The following CLMP variants were observed in gnomAD, a reference collection of about 807,000 sequenced individuals.
CLMP encodes CXADR-like membrane protein.
In CLMP, 27 loss-of-function variants were observed where a neutral mutation model predicts 45.2. The ratio of observed to expected loss-of-function variants is 0.60; its 90% confidence interval spans 0.44 to 0.82. The LOEUF (loss-of-function observed/expected upper bound fraction) is 0.82, where lower values mean the gene tolerates loss of function less well. Among genes scored for constraint, CLMP ranks in the 40% least tolerant of loss-of-function variants. The pLI, the probability that CLMP is intolerant of heterozygous loss-of-function variation, is 0.00. For synonymous variants in CLMP, 167 were observed against 171.4 expected (o/e 0.97, Z 0.20); for missense variants, 403 against 448.4 (o/e 0.90, Z 0.91).
At chr11:123,149,200 A>G (rs1025134236) in intron 1 of CLMP, among the ~76,000 whole-genome samples, 11 of 152,182 alleles carry the variant, frequency 7.2e-5, no homozygotes, top group South Asian at 2.1e-4. Flanking sequence ...GAAAGTGTTT[A>G]CAGAATCTAG....
chr11:123,149,768 T>TTTCC (rs1469150303), intron 1 of CLMP, among the ~76,000 whole-genome samples: 4 of 132,838 alleles, frequency 3.0e-5, no homozygotes, highest in South Asian at 2.7e-4. Flanking sequence ...CTCAAAAGGT[T>TTTCC]TTCTTTCTTT....
Position 123,154,449 on chromosome 11 carries a change from C to T in CLMP, c.28+40464G>A, listed in dbSNP as rs892005800. 2.0e-5 allele frequency among the ~76,000 whole-genome samples: 3 copies of T among 152,258 alleles called. 1 individual carries two copies. Among genetic ancestry groups the T allele is most frequent in the Middle Eastern group, 6.8e-3 (2 of 294 alleles). On this transcript the variant is annotated intron_variant, in intron 1 of 6. Coordinates refer to ENST00000448775, the MANE Select transcript of CLMP (RefSeq NM_024769.5). Reference sequence around the variant, plus strand: ...GAGCCACATTTAGGGGTGCAGAGGGCTTGCCCACTTGTGTTAGTCATGCAA... The same window carrying T: ...GAGCCACATTTAGGGGTGCAGAGGGTTTGCCCACTTGTGTTAGTCATGCAA...
At chr11:123,075,244 G>A (rs115047749) in intron 5 of CLMP, among the ~76,000 whole-genome samples, 8 of 152,240 alleles carry the variant, frequency 5.3e-5, no homozygotes, top group African/African-American at 1.9e-4. Flanking sequence ...GGGAGCCACC[G>A]CGCCGACCTC....
chr11:123,076,022 A>C (rs1332016109), intron 5 of CLMP, among the ~76,000 whole-genome samples: 1 of 152,086 alleles, frequency 6.6e-6, no homozygotes, highest in African/African-American at 2.4e-5. Flanking sequence ...AAAATACAAA[A>C]GTTATCTGGG....
At chr11:123,139,467 T>A (rs920474896) in intron 1 of CLMP, among the ~76,000 whole-genome samples, 2 of 152,152 alleles carry the variant, frequency 1.3e-5, no homozygotes, top group African/African-American at 4.8e-5. Context: ...AGTTTCCACA[T>A]CTGCAATACA....
chr11:123,114,520 G>A (rs1860694169), intron 1 of CLMP, among the ~76,000 whole-genome samples: 1 of 144,284 alleles, frequency 6.9e-6, no homozygotes. Context: ...GCCCAGGCTG[G>A]TCTTGAACTC....
chr11:123,158,579 C>A (rs1229801240), intron 1 of CLMP, among the ~76,000 whole-genome samples: 4 of 152,184 alleles, frequency 2.6e-5, no homozygotes, highest in African/African-American at 9.7e-5. Flanking sequence ...CCACACTTGT[C>A]ATGCTGTTGG....
intron 5 of CLMP, among the ~76,000 whole-genome samples, chr11:123,077,291 T>TGC (rs1367224366): frequency 1.3e-5 from 2 of 152,022 alleles, no homozygotes; most frequent in African/African-American, 4.8e-5. Flanking sequence ...CGTGAGCCAC[T>TGC]GCACCCAGCC....
intron 1 of CLMP, among the ~76,000 whole-genome samples, chr11:123,187,868 C>G (rs1181599546): frequency 6.6e-6 from 1 of 152,166 alleles, no homozygotes. Context: ...ATTTCTGACG[C>G]TGATGGGTGA....
At chr11:123,089,815 C>T (rs922367025) in intron 2 of CLMP, among the ~76,000 whole-genome samples, 3 of 144,656 alleles carry the variant, frequency 2.1e-5, no homozygotes, top group African/African-American at 7.7e-5. Context: ...AGAAACAAAA[C>T]AAGGCTGGGC....
chr11:123,155,575 T>C (rs1861402158), intron 1 of CLMP, among the ~76,000 whole-genome samples: 1 of 152,204 alleles, frequency 6.6e-6, no homozygotes, highest in African/African-American at 2.4e-5. Context: ...TTACAAGAGG[T>C]CGAGCTAGAA....
At chr11:123,168,136 A>C (rs1470446902) in intron 1 of CLMP, among the ~76,000 whole-genome samples, 4 of 152,194 alleles carry the variant, frequency 2.6e-5, no homozygotes, top group African/African-American at 7.2e-5. Context: ...GGGGTTAAAC[A>C]TCTGCCACCA....
chr11:123,189,732 G>A (rs117916958), intron 1 of CLMP, among the ~76,000 whole-genome samples: 225 of 152,262 alleles, frequency 1.5e-3, no homozygotes, highest in Admixed American at 2.7e-3. Context: ...AAATGGCCAG[G>A]CACGGTGGCT....
chr11:123,131,754 T>G (rs1860992422), intron 1 of CLMP, among the ~76,000 whole-genome samples: 1 of 152,100 alleles, frequency 6.6e-6, no homozygotes, highest in Admixed American at 6.6e-5. Flanking sequence ...TAGCTGGGAT[T>G]ACAGGTATGC....
At chr11:123,136,099 T>C in intron 1 of CLMP, 1 of 614,672 alleles carries the variant, frequency 1.6e-6, no homozygotes, top group Non-Finnish European at 3.2e-6. Context: ...TTCCAGTTAA[T>C]CTGCACGTAG....
chr11:123,135,790 A>C, intron 1 of CLMP: 1 of 326,360 alleles, frequency 3.1e-6, no homozygotes, highest in Non-Finnish European at 6.2e-6. Flanking sequence ...TAAGCTGTGA[A>C]TTCAGTATTT....
intron 1 of CLMP, among the ~76,000 whole-genome samples, chr11:123,131,204 C>T (rs1860983115): frequency 6.6e-6 from 1 of 152,028 alleles, no homozygotes; most frequent in African/African-American, 2.4e-5. Flanking sequence ...TTTCTTTCCC[C>T]CCAAATAGTA....
chr11:123,159,727 C>T (rs1861459382), intron 1 of CLMP, among the ~76,000 whole-genome samples: 1 of 152,140 alleles, frequency 6.6e-6, no homozygotes, highest in Non-Finnish European at 1.5e-5. Flanking sequence ...CACCTTGAGT[C>T]TGCAGGGATG....
chr11:123,178,009 C>A (rs752501245), intron 1 of CLMP, among the ~76,000 whole-genome samples: 1 of 152,040 alleles, frequency 6.6e-6, no homozygotes, highest in South Asian at 2.1e-4. Context: ...ATTACAGGCA[C>A]GTGCCACTAT....
Sources: gnomAD v4.1 joint callset for allele counts (sites outside exome capture counted in the v4.1 genomes callset) on GRCh38, gnomAD v4.1.1 for gene constraint, MANE v1.5 for transcripts, NCBI Gene and HGNC (gene_info 2026-07-23, HGNC 2026-07-21) for gene names.